The following CAMKMT variants were observed in gnomAD, a reference collection of about 807,000 sequenced individuals.
CAMKMT encodes CaM KMT.
In CAMKMT, 53 loss-of-function variants were observed where a neutral mutation model predicts 48.0. That is an observed-to-expected ratio of 1.10 (90% confidence interval 0.89 to 1.39). The LOEUF (loss-of-function observed/expected upper bound fraction) is 1.39. Among genes scored for constraint, CAMKMT ranks in the 40% most tolerant of loss-of-function variants. The pLI is 0.00. For missense variants in CAMKMT, 428 were observed against 402.7 expected, an observed-to-expected ratio of 1.06 and a Z score of -0.54; for synonymous variants, 165 against 152.3, an observed-to-expected ratio of 1.08 and a Z score of -0.61.
intron 3 of CAMKMT, among the ~76,000 whole-genome samples, chr2:44,558,459 C>T (rs747779938): frequency 1.2e-4 from 19 of 152,164 alleles, no homozygotes; most frequent in Non-Finnish European, 1.8e-4. Flanking sequence ...CTTTTATCAT[C>T]TGTTGTATCC....
At chr2:44,557,588 C>T (rs551292663) in intron 3 of CAMKMT, among the ~76,000 whole-genome samples, 1 of 152,200 alleles carries the variant, frequency 6.6e-6, no homozygotes, top group East Asian at 1.9e-4. Flanking sequence ...CCCTTCTTTC[C>T]TTCCTCCCTT....
At chr2:44,443,125 C>T (rs985380993) in intron 3 of CAMKMT, among the ~76,000 whole-genome samples, 7 of 152,168 alleles carry the variant, frequency 4.6e-5, no homozygotes, top group African/African-American at 1.7e-4. Context: ...AATAATTAGA[C>T]TCATTTCACA....
chr2:44,375,731 G>C (rs1173221564), intron 2 of CAMKMT, among the ~76,000 whole-genome samples: 1 of 152,004 alleles, frequency 6.6e-6, no homozygotes, highest in Non-Finnish European at 1.5e-5. Context: ...GCAGTCTTTA[G>C]CTGGAGGAAT....
Position 44,743,586 on chromosome 2 carries a change from C to T in CAMKMT, c.624-36C>T, listed in dbSNP as rs372196245. ...CTCAAAATCAAAATTTAAAAAAAAC[C>T]CTATGTATAATTTTTAAAATCTTTT... On this transcript the variant is annotated intron_variant, in intron 7 of 10. Coordinates refer to ENST00000378494, the MANE Select transcript of CAMKMT (RefSeq NM_024766.5). The T allele has an allele frequency of 1.3e-5, 19 of 1,472,276 alleles. No individual in the cohort carries two copies. The African/African-American group carries it at 1.4e-4, about 11-fold the overall frequency. The allele number at this position is 1,472,276 out of a possible 1,614,324, so 91.2% of individuals were successfully genotyped here.
intron 7 of CAMKMT, among the ~76,000 whole-genome samples, chr2:44,729,907 T>C (rs1303006822): frequency 6.6e-6 from 1 of 151,922 alleles, no homozygotes; most frequent in African/African-American, 2.4e-5. Flanking sequence ...AACTCTGGAG[T>C]TGAAGCTCAG....
intron 3 of CAMKMT, among the ~76,000 whole-genome samples, chr2:44,530,476 A>G (rs953255460): frequency 1.9e-4 from 29 of 152,226 alleles, no homozygotes; most frequent in Admixed American, 1.6e-3. Context: ...TGTTTAACTG[A>G]AAAGATTAGC....
At chr2:44,725,382 T>C (rs1678725923) in intron 7 of CAMKMT, among the ~76,000 whole-genome samples, 1 of 152,324 alleles carries the variant, frequency 6.6e-6, no homozygotes, top group South Asian at 2.1e-4. Context: ...TATGATGGGC[T>C]TTTTATGGGT....
chr2:44,706,289 C>T lies in CAMKMT; in HGVS notation c.440C>T (p.Ala147Val). 1 of 1,613,208 alleles carries T rather than the reference C, an allele frequency of 6.2e-7. No homozygotes were observed. Among genetic ancestry groups the T allele is most frequent in the Non-Finnish European group, 8.5e-7 (1 of 1,179,454 alleles). ...ACCATTTCTTTTCTCTCTTTCAGGG[C>T]CCTTGCTGTGTGTGAGCTAGGGGGT... is the stretch of plus-strand genomic sequence containing the variant. ...YCLKHNNIFR[A>V]LAVCELGGGM... Residue 147 changes from alanine (A) to valine (V), a missense_variant and splice_region_variant, in exon 5 of 11, where the codon GCC becomes GTC. Coordinates refer to ENST00000378494, the MANE Select transcript of CAMKMT (RefSeq NM_024766.5).
At chr2:44,622,443 C>T (rs1169007632) in intron 3 of CAMKMT, among the ~76,000 whole-genome samples, 2 of 152,170 alleles carry the variant, frequency 1.3e-5, no homozygotes, top group Non-Finnish European at 2.9e-5. Flanking sequence ...ACCCATCACC[C>T]AGAAAGTGAG....
At chr2:44,690,114 C>T (rs925131207) in intron 3 of CAMKMT, among the ~76,000 whole-genome samples, 2 of 152,056 alleles carry the variant, frequency 1.3e-5, no homozygotes, top group African/African-American at 2.4e-5. Flanking sequence ...ATTTCGAAAC[C>T]CATCTAAAAT....
At chr2:44,629,523 C>T (rs1301963820) in intron 3 of CAMKMT, among the ~76,000 whole-genome samples, 1 of 150,972 alleles carries the variant, frequency 6.6e-6, no homozygotes, top group Non-Finnish European at 1.5e-5. Flanking sequence ...GCAATCTCCA[C>T]CTCCACAATG....
chr2:44,431,037 A>T (rs1684618233), intron 3 of CAMKMT, among the ~76,000 whole-genome samples: 1 of 152,236 alleles, frequency 6.6e-6, no homozygotes, highest in African/African-American at 2.4e-5. Context: ...TTGTAATCAT[A>T]CATAATTCTC....
At position 44,566,801 on chromosome 2, in the gene CAMKMT, T is replaced by G. The variant is rs72881172; in HGVS notation, c.377-137482T>G. Among the ~76,000 whole-genome samples the G allele has an allele frequency of 8.5e-3, 1,299 of 152,290 alleles. 14 individuals carry two copies. Among genetic ancestry groups the G allele is most frequent in the African/African-American group, 0.023 (975 of 41,564 alleles). ...TAGTAAGTTAAAGGATGCTTTTAAT[T>G]TAAAAAATTAAGATAACCTGAAAAC... On this transcript the variant is annotated intron_variant, in intron 3 of 10. Coordinates refer to ENST00000378494, the MANE Select transcript of CAMKMT (RefSeq NM_024766.5).
chr2:44,500,432 A>G (rs1669950612), intron 3 of CAMKMT, among the ~76,000 whole-genome samples: 1 of 152,156 alleles, frequency 6.6e-6, no homozygotes, highest in Admixed American at 6.5e-5. Flanking sequence ...CTTGATATTT[A>G]TAATTATTTA....
intron 3 of CAMKMT, among the ~76,000 whole-genome samples, chr2:44,411,702 C>T (rs1683213353): frequency 1.3e-5 from 2 of 151,880 alleles, no homozygotes; most frequent in African/African-American, 2.4e-5. Context: ...TGTATTGTAT[C>T]CTTTCCCCAA....
intron 3 of CAMKMT, among the ~76,000 whole-genome samples, chr2:44,510,968 G>C (rs1296647205): frequency 6.6e-6 from 1 of 151,848 alleles, no homozygotes; most frequent in South Asian, 2.1e-4. Context: ...AGCCTCCCAA[G>C]TAGCTGGGAT....
rs570601166 is a variant in CAMKMT at position 44,593,271 on chromosome 2, CA to C, written c.377-111011del. 3.5e-4 allele frequency among the ~76,000 whole-genome samples: 54 copies of C among 152,320 alleles called. 1 individual carries two copies. In the South Asian group the frequency reaches 0.011, roughly 30 times the overall value. ...TGCACAATTTCCAGTTCTTTGTGAA[CA>C]CTGGATACTATTTCCTTTAATCCTT... On this transcript the variant is annotated intron_variant, in intron 3 of 10. Coordinates refer to ENST00000378494, the MANE Select transcript of CAMKMT (RefSeq NM_024766.5).
At position 44,772,185 on chromosome 2, in the gene CAMKMT, G is replaced by A; in HGVS notation, c.*72G>A. The A allele has an allele frequency of 7.6e-7, 1 of 1,323,916 alleles. No homozygotes were observed. The allele number at this position is 1,323,916 out of a possible 1,614,324, so 82.0% of individuals were successfully genotyped here. A position where few individuals can be genotyped will look rare whatever the true frequency, so the allele number is the denominator to read the frequency against. The stretch of plus-strand genomic sequence containing the variant: ...AATATTTTTACAAAAACGGAAATCT[G>A]TAAGGGGTATAATCGCCTGCCTGCG... On this transcript the variant is annotated 3_prime_UTR_variant, in exon 11 of 11. Coordinates refer to ENST00000378494, the MANE Select transcript of CAMKMT (RefSeq NM_024766.5).
chr2:44,556,857 C>G lies in CAMKMT; in HGVS notation c.377-147426C>G, dbSNP rs923349307. On this transcript the variant is annotated intron_variant, in intron 3 of 10. Coordinates refer to ENST00000378494, the MANE Select transcript of CAMKMT (RefSeq NM_024766.5). ...CTTTGGGAGGCCGAAGCAGGAGGAT[C>G]CCTTGAACCCAGAAATTTGAGACCA... Among the ~76,000 whole-genome samples the G allele has an allele frequency of 2.0e-5, 3 of 151,788 alleles. No homozygotes were observed. The East Asian group carries it at 5.9e-4, about 30-fold the overall frequency.
Sources: gnomAD v4.1 joint callset for allele counts (sites outside exome capture counted in the v4.1 genomes callset) on GRCh38, gnomAD v4.1.1 for gene constraint, MANE v1.5 for transcripts, NCBI Gene and HGNC (gene_info 2026-07-23, HGNC 2026-07-21) for gene names.